Variants in MAP3K13 observed in about 807,000 individuals in gnomAD.
MAP3K13 encodes the protein leucine zipper-bearing kinase.
In MAP3K13, 52 loss-of-function variants were observed where a neutral mutation model predicts 104.0. The observed-to-expected ratio is 0.50, with a 90% CI of 0.40 to 0.63. The LOEUF (loss-of-function observed/expected upper bound fraction) is 0.63, where lower values mean the gene tolerates loss of function less well. MAP3K13 is among the 20% of genes least tolerant of loss of function. MAP3K13 has a pLI of 0.00. For missense variants in MAP3K13, 914 were observed against 1,218.5 expected, an observed-to-expected ratio of 0.75 and a Z score of 3.72; for synonymous variants, 394 against 442.2, an observed-to-expected ratio of 0.89 and a Z score of 1.37.
intron 2 of MAP3K13, chr3:185,292,723 A>G (rs1577398144): frequency 2.0e-6 from 2 of 984,958 alleles, no homozygotes; most frequent in East Asian, 2.3e-4. Flanking sequence ...TCCAGGTTGG[A>G]TACATGGCAA....
intron 1 of MAP3K13, among the ~76,000 whole-genome samples, chr3:185,407,198 A>G (rs1026753381): frequency 2.6e-5 from 4 of 151,904 alleles, no homozygotes; most frequent in African/African-American, 7.3e-5. Flanking sequence ...TTTTTAAACC[A>G]TTTTTTGCCA....
At chr3:185,402,570 C>T (rs1250464757) in intron 1 of MAP3K13, among the ~76,000 whole-genome samples, 1 of 152,140 alleles carries the variant, frequency 6.6e-6, no homozygotes, top group Non-Finnish European at 1.5e-5. Flanking sequence ...TATTTATTGT[C>T]TGTGCTGTTG....
At chr3:185,459,581 C>T (rs960915197) in intron 7 of MAP3K13, among the ~76,000 whole-genome samples, 1 of 152,058 alleles carries the variant, frequency 6.6e-6, no homozygotes, top group African/African-American at 2.4e-5. Context: ...TCCCACGTAG[C>T]TGGGACTACA....
intron 7 of MAP3K13, 80 bp downstream of exon 7, chr3:185,451,475 C>A (rs762619088): frequency 1.1e-6 from 1 of 910,954 alleles, no homozygotes; most frequent in Non-Finnish European, 1.8e-6. Context: ...TTAGAAGGGC[C>A]CATTGTGTTT....
intron 1 of MAP3K13, among the ~76,000 whole-genome samples, chr3:185,408,528 T>C (rs1713247613): frequency 6.6e-6 from 1 of 151,456 alleles, no homozygotes; most frequent in African/African-American, 2.4e-5. Context: ...GCCGAAATCA[T>C]GCCACTGCAC....
chr3:185,327,013 T>C (rs1322051591), intron 2 of MAP3K13, among the ~76,000 whole-genome samples: 1 of 152,224 alleles, frequency 6.6e-6, no homozygotes, highest in African/African-American at 2.4e-5. Flanking sequence ...AAAAACTTTG[T>C]GGTTTAAAAA....
rs574971232 is a variant in MAP3K13, at chr3:185,441,923, C to A, written c.660-1522C>A. ...GGGTGTGGTGGTGGGCACCTGTAGT[C>A]CCAGCTACCCGGGAGGCTGAGACAG... On this transcript the variant is annotated intron_variant, in intron 3 of 13. Coordinates refer to ENST00000265026, the MANE Select transcript of MAP3K13 (RefSeq NM_004721.5). Among the ~76,000 whole-genome samples, 3 of 152,060 alleles carry A rather than the reference C, an allele frequency of 2.0e-5. No individual in the cohort carries two copies. The South Asian group carries it at 6.2e-4, about 32-fold the overall frequency.
In MAP3K13 at chr3:185,485,250, A is replaced by G. The variant is rs1718663083; in HGVS notation, c.*2794A>G. On this transcript the variant is annotated 3_prime_UTR_variant, in exon 14 of 14. Coordinates refer to ENST00000265026, the MANE Select transcript of MAP3K13 (RefSeq NM_004721.5). ...GCTCATGGATTCGTTTCAAGAATTG[A>G]CAACATAGTTTGCAATCTCCTTCCT... is the stretch of plus-strand genomic sequence containing the variant. 1 of 152,232 alleles carries G rather than the reference A, an allele frequency of 6.6e-6. No homozygotes were observed. 9.4% of individuals were successfully genotyped at this position (152,232 alleles called of 1,614,324 possible). A position where few individuals can be genotyped will look rare whatever the true frequency, so the allele number is the denominator to read the frequency against.
At chr3:185,283,259 A>C (rs886652500) in intron 1 of MAP3K13, 1 of 152,336 alleles carries the variant, frequency 6.6e-6, no homozygotes, top group Non-Finnish European at 1.5e-5. Flanking sequence ...AGACAGGTTG[A>C]GTCTTCTAGG....
intron 1 of MAP3K13, among the ~76,000 whole-genome samples, chr3:185,412,774 A>C (rs896648671): frequency 4.6e-5 from 7 of 152,214 alleles, no homozygotes; most frequent in African/African-American, 1.7e-4. Context: ...TTGGATCCAG[A>C]GTCAGGAGTG....
chr3:185,433,708 T>C (rs1399235632), intron 2 of MAP3K13, among the ~76,000 whole-genome samples: 1 of 152,228 alleles, frequency 6.6e-6, no homozygotes, highest in African/African-American at 2.4e-5. Flanking sequence ...CTATGGATAA[T>C]CAAGACTTGG....
At chr3:185,419,981 G>A (rs1288646806) in intron 1 of MAP3K13, among the ~76,000 whole-genome samples, 3 of 152,052 alleles carry the variant, frequency 2.0e-5, no homozygotes, top group Non-Finnish European at 2.9e-5. Flanking sequence ...ATAGGTACTG[G>A]TATTCAAAAG....
At chr3:185,429,781 G>A (rs1714640509) in intron 2 of MAP3K13, among the ~76,000 whole-genome samples, 1 of 152,150 alleles carries the variant, frequency 6.6e-6, no homozygotes, top group Non-Finnish European at 1.5e-5. Context: ...GTAAAACTTA[G>A]ATTATAGTAA....
At chr3:185,317,586 A>G (rs1052509968) in intron 2 of MAP3K13, among the ~76,000 whole-genome samples, 1 of 152,222 alleles carries the variant, frequency 6.6e-6, no homozygotes, top group African/African-American at 2.4e-5. Context: ...CTTTAGCATG[A>G]TATATTAAAT....
At chr3:185,395,581 A>T (rs1712357368) in intron 1 of MAP3K13, among the ~76,000 whole-genome samples, 1 of 149,204 alleles carries the variant, frequency 6.7e-6, no homozygotes, top group African/African-American at 2.5e-5. Flanking sequence ...GATGGTCTCG[A>T]TCTCCTGACC....
At chr3:185,331,092 C>CTTTTTTTTTTT (rs34204309) in intron 2 of MAP3K13, among the ~76,000 whole-genome samples, 1 of 108,582 alleles carries the variant, frequency 9.2e-6, no homozygotes, top group Non-Finnish European at 1.8e-5. Context: ...CCTAATTTAC[C>CTTTTTTTTTTT]TTTTTTTTTT....
intron 7 of MAP3K13, among the ~76,000 whole-genome samples, chr3:185,452,471 A>G (rs1041503441): frequency 1.3e-5 from 2 of 152,162 alleles, no homozygotes; most frequent in Non-Finnish European, 2.9e-5. Flanking sequence ...TCCTGGGCTC[A>G]AGCGATCTCC....
intron 2 of MAP3K13, among the ~76,000 whole-genome samples, chr3:185,350,296 C>T (rs1213292810): frequency 1.3e-5 from 2 of 152,200 alleles, no homozygotes. Flanking sequence ...AGCGGTTCTC[C>T]TGCCTCAGCC....
intron 1 of MAP3K13, among the ~76,000 whole-genome samples, chr3:185,366,301 A>G (rs1723885210): frequency 6.6e-6 from 1 of 152,134 alleles, no homozygotes; most frequent in Non-Finnish European, 1.5e-5. Flanking sequence ...ATTCCCAAGA[A>G]ATATTCCAGT....
Sources: allele counts gnomAD v4.1 joint callset (sites outside exome capture counted in the v4.1 genomes callset), GRCh38; gene constraint gnomAD v4.1.1; transcripts MANE v1.5; gene names NCBI Gene and HGNC (gene_info 2026-07-23, HGNC 2026-07-21).